Variants in PHF24 observed in about 807,000 individuals in gnomAD.
PHF24 encodes the protein PHD finger protein 24.
PHF24 carries 25 observed loss-of-function variants against 42.6 expected under a neutral mutation model. The observed-to-expected ratio is 0.59, with a 90% confidence interval of 0.43 to 0.82. The LOEUF (loss-of-function observed/expected upper bound fraction) is 0.82, where lower values mean the gene tolerates loss of function less well. Among genes scored for constraint, PHF24 ranks in the 40% least tolerant of loss-of-function variants. PHF24 has a pLI of 0.00. For missense variants in PHF24, 470 were observed against 538.1 expected (o/e 0.87, Z 1.25); for synonymous variants, 185 against 204.8 (o/e 0.90, Z 0.83).
At chr9:34,941,562 G>A in the PHF24 span, among the ~76,000 whole-genome samples, 2 of 152,152 alleles carry the variant, frequency 1.3e-5, no homozygotes, top group African/African-American at 4.8e-5. Flanking sequence ...TGTTCAGGCT[G>A]CTATAGCAAA....
At chr9:34,776,284 T>G in the PHF24 span, among the ~76,000 whole-genome samples, 1 of 152,194 alleles carries the variant, frequency 6.6e-6, no homozygotes, top group African/African-American at 2.4e-5. Flanking sequence ...TAATCCAAGA[T>G]TACATGCCAC....
intron 1 of PHF24, among the ~76,000 whole-genome samples, chr9:34,959,905 C>T (rs1483429836): frequency 6.6e-6 from 1 of 152,220 alleles, no homozygotes; most frequent in Non-Finnish European, 1.5e-5. Flanking sequence ...CCTTGTGACC[C>T]TCTGACTACA....
the PHF24 span, among the ~76,000 whole-genome samples, chr9:34,810,706 A>G: frequency 5.9e-5 from 9 of 152,190 alleles, no homozygotes; most frequent in Non-Finnish European, 1.2e-4. Context: ...CTATAGGCCT[A>G]CATGTGTCCT....
the PHF24 span, among the ~76,000 whole-genome samples, chr9:34,859,649 T>C: frequency 6.6e-6 from 1 of 152,252 alleles, no homozygotes; most frequent in Admixed American, 6.5e-5. Context: ...TGCACTTTGT[T>C]TCCCAAATAT....
chr9:34,677,803 A>G, the PHF24 span, among the ~76,000 whole-genome samples: 2 of 152,116 alleles, frequency 1.3e-5, no homozygotes, highest in African/African-American at 2.4e-5. Flanking sequence ...CTTGGATCCT[A>G]TGATTCCAGC....
chr9:34,971,518 G>A, exon 2 of PHF24: 1 of 1,614,060 alleles, frequency 6.2e-7, no homozygotes, highest in Non-Finnish European at 8.5e-7. Flanking sequence ...AGAGAGTAGT[G>A]CCGGCCGCGC....
At chr9:34,679,440 C>T in the PHF24 span, among the ~76,000 whole-genome samples, 2 of 152,200 alleles carry the variant, frequency 1.3e-5, no homozygotes, top group Non-Finnish European at 2.9e-5. Context: ...TAGAGTGGAT[C>T]ACTATAGCAT....
At chr9:34,754,096 CA>C in the PHF24 span, among the ~76,000 whole-genome samples, 1 of 151,806 alleles carries the variant, frequency 6.6e-6, no homozygotes, top group Non-Finnish European at 1.5e-5. Context: ...TTGGACTGGC[CA>C]AAAATGTATG....
At chr9:34,681,876 A>G in the PHF24 span, among the ~76,000 whole-genome samples, 1 of 152,308 alleles carries the variant, frequency 6.6e-6, no homozygotes, top group Non-Finnish European at 1.5e-5. Context: ...ATAGACTTAG[A>G]AGAAGAGGAA....
chr9:34,823,898 AG>A, the PHF24 span, among the ~76,000 whole-genome samples: 4 of 152,164 alleles, frequency 2.6e-5, no homozygotes, highest in Non-Finnish European at 2.9e-5. Context: ...GGAAGGTGAG[AG>A]GAACTGTGCT....
chr9:34,684,810 C>A, the PHF24 span, among the ~76,000 whole-genome samples: 1 of 152,128 alleles, frequency 6.6e-6, no homozygotes, highest in African/African-American at 2.4e-5. Context: ...CTGGTTGTCC[C>A]AGAATGGTAG....
At chr9:34,937,125 G>A in the PHF24 span, among the ~76,000 whole-genome samples, 6 of 151,896 alleles carry the variant, frequency 4.0e-5, no homozygotes, top group Admixed American at 3.9e-4. Flanking sequence ...CCCTCTGCCC[G>A]GCCACCACCC....
At chr9:34,893,932 T>C in the PHF24 span, among the ~76,000 whole-genome samples, 62 of 152,324 alleles carry the variant, frequency 4.1e-4, no homozygotes, top group Non-Finnish European at 7.5e-4. Context: ...CCTGCTGATA[T>C]ACTCAATATC....
the PHF24 span, among the ~76,000 whole-genome samples, chr9:34,879,997 A>G: frequency 6.6e-6 from 1 of 152,256 alleles, no homozygotes; most frequent in Non-Finnish European, 1.5e-5. Context: ...CTAACAGCAG[A>G]TATCTCAGCA....
chr9:34,811,660 G>A, the PHF24 span, among the ~76,000 whole-genome samples: 1 of 151,958 alleles, frequency 6.6e-6, no homozygotes, highest in African/African-American at 2.4e-5. Context: ...AATAGCCTAA[G>A]ACAAGGCTAA....
chr9:34,696,153 C>T, the PHF24 span, among the ~76,000 whole-genome samples: 1 of 152,088 alleles, frequency 6.6e-6, no homozygotes, highest in Non-Finnish European at 1.5e-5. Context: ...GCCAGAACCT[C>T]ACTGGCCATT....
the PHF24 span, among the ~76,000 whole-genome samples, chr9:34,900,563 C>T: frequency 6.6e-6 from 1 of 152,188 alleles, no homozygotes; most frequent in Non-Finnish European, 1.5e-5. Context: ...ATCACCACTG[C>T]ACTCCAGCCT....
the PHF24 span, among the ~76,000 whole-genome samples, chr9:34,890,418 T>C: frequency 6.6e-6 from 1 of 152,198 alleles, no homozygotes; most frequent in South Asian, 2.1e-4. Context: ...TTGTTCACTC[T>C]AGCCTCCAGC....
the PHF24 span, among the ~76,000 whole-genome samples, chr9:34,904,985 A>G: frequency 6.6e-6 from 1 of 151,900 alleles, no homozygotes; most frequent in African/African-American, 2.4e-5. Context: ...ACCTAGAAGG[A>G]GAGAATGCCC....
Sources: gnomAD v4.1 joint callset for allele counts (sites outside exome capture counted in the v4.1 genomes callset) on GRCh38, gnomAD v4.1.1 for gene constraint, MANE v1.5 for transcripts, NCBI Gene and HGNC (gene_info 2026-07-23, HGNC 2026-07-21) for gene names.